RWDD4: variants seen among roughly 807,000 people sequenced by gnomAD.
RWDD4 encodes the protein RWD domain containing 4.
Under a neutral mutation model 30.0 loss-of-function variants are expected in RWDD4, and 16 were observed. The observed-to-expected ratio is 0.53, with a 90% CI of 0.36 to 0.81. The LOEUF (loss-of-function observed/expected upper bound fraction) is 0.81. RWDD4 is among the 30% of genes least tolerant of loss of function. The probability of loss-of-function intolerance (pLI) is 0.00; values close to 1 mark genes in which losing one functional copy is unlikely to be tolerated. For missense variants in RWDD4, 170 were observed against 223.9 expected (o/e 0.76, Z 1.54); for synonymous variants, 45 against 72.1 (o/e 0.62, Z 1.90).
intron 2 of RWDD4, among the ~76,000 whole-genome samples, chr4:183,652,647 T>C (rs1248369940): frequency 6.6e-6 from 1 of 151,890 alleles, no homozygotes; most frequent in Non-Finnish European, 1.5e-5. Flanking sequence ...CCATCTCTGC[T>C]AAAAATACAA....
Position 183,644,831 on chromosome 4 carries a change from T to A in RWDD4, c.534+1520A>T, listed in dbSNP as rs115193907. 7.4e-3 allele frequency among the ~76,000 whole-genome samples: 1,126 copies of A among 151,376 alleles called. 15 individuals carry two copies. Among genetic ancestry groups the A allele is most frequent in the African/African-American group, 0.026 (1,059 of 41,294 alleles). Reference sequence around the variant, plus strand: ...AAAGAAAATAGCCCTGAGCAGTGGCTCATGCCTGTAATCCCAGTACTTTGG... The same window carrying A: ...AAAGAAAATAGCCCTGAGCAGTGGCACATGCCTGTAATCCCAGTACTTTGG... On this transcript the variant is annotated intron_variant, in intron 7 of 7. Coordinates refer to ENST00000326397, the MANE Select transcript of RWDD4 (RefSeq NM_152682.4).
At chr4:183,645,447 C>G (rs1454052651) in intron 7 of RWDD4, among the ~76,000 whole-genome samples, 1 of 151,986 alleles carries the variant, frequency 6.6e-6, no homozygotes, top group Non-Finnish European at 1.5e-5. Context: ...GATGAACAAC[C>G]ACGTTTAAGG....
intron 1 of RWDD4, 119 bp from the exon 2 acceptor site, chr4:183,656,080 C>T: frequency 3.1e-6 from 2 of 649,352 alleles, no homozygotes; most frequent in Non-Finnish European, 5.5e-6. Context: ...CTTATATAAC[C>T]TTAGATACTT....
At chr4:183,643,805 C>T (rs1220273726) in intron 7 of RWDD4, among the ~76,000 whole-genome samples, 5 of 152,152 alleles carry the variant, frequency 3.3e-5, no homozygotes, top group Non-Finnish European at 4.4e-5. Flanking sequence ...GTAATTCCAA[C>T]TACTTGGGAG....
chr4:183,650,197 A>G (rs960917593), intron 4 of RWDD4, among the ~76,000 whole-genome samples: 1 of 152,208 alleles, frequency 6.6e-6, no homozygotes, highest in Non-Finnish European at 1.5e-5. Context: ...CAGAAAGATT[A>G]AGAAACCTGC....
In RWDD4 at chr4:183,649,645, TG is replaced by T; in HGVS notation, c.364-78del. 5.6e-6 allele frequency: 4 copies of T among 713,320 alleles called. No homozygotes were observed. The South Asian group carries it at 7.4e-5, about 13-fold the overall frequency. 44.2% of individuals were successfully genotyped at this position (713,320 alleles called of 1,614,324 possible). A position where few individuals can be genotyped will look rare whatever the true frequency, so the allele number is the denominator to read the frequency against. ...CACTAAATACAGCTATATCCTGAAG[TG>T]GGTTGATAATTTTTACACTTATGAA... is the stretch of plus-strand genomic sequence containing the variant. On this transcript the variant is annotated intron_variant, in intron 4 of 7. Transcript: ENST00000326397.
intron 7 of RWDD4, among the ~76,000 whole-genome samples, chr4:183,641,810 A>G (rs1026998264): frequency 6.6e-6 from 1 of 152,214 alleles, no homozygotes. Flanking sequence ...CTTGTTTTCC[A>G]TCACATATTC....
At chr4:183,643,093 A>C (rs1733894216) in intron 7 of RWDD4, among the ~76,000 whole-genome samples, 1 of 138,356 alleles carries the variant, frequency 7.2e-6, no homozygotes, top group Non-Finnish European at 1.5e-5. Context: ...TAAATAAATA[A>C]ATAAATAAAT....
chr4:183,645,532 G>C (rs1286762303), intron 7 of RWDD4, among the ~76,000 whole-genome samples: 1 of 151,504 alleles, frequency 6.6e-6, no homozygotes, highest in Non-Finnish European at 1.5e-5. Flanking sequence ...CACGTTGTGA[G>C]GCCGAGGTAG....
chr4:183,645,055 A>T (rs1365918808), intron 7 of RWDD4, among the ~76,000 whole-genome samples: 2 of 152,152 alleles, frequency 1.3e-5, no homozygotes, highest in African/African-American at 4.8e-5. Context: ...AGCCATGTTC[A>T]CGCCACTGCA....
At chr4:183,656,813 G>A (rs1734203842) in intron 1 of RWDD4, among the ~76,000 whole-genome samples, 1 of 152,168 alleles carries the variant, frequency 6.6e-6, no homozygotes, top group African/African-American at 2.4e-5. Context: ...ATCACCTGAG[G>A]TCAGGAGTTC....
intron 2 of RWDD4, among the ~76,000 whole-genome samples, chr4:183,654,587 A>C (rs1489054799): frequency 1.3e-5 from 2 of 151,876 alleles, no homozygotes; most frequent in East Asian, 3.8e-4. Flanking sequence ...CATTCTGCAC[A>C]ACATGCTCTA....
In RWDD4 at chr4:183,650,977, TACTC is replaced by T; in HGVS notation, c.363+3_363+6del. 6.2e-7 allele frequency: 1 copy of T among 1,606,686 alleles called. No individual in the cohort carries two copies. Among genetic ancestry groups the T allele is most frequent in the Non-Finnish European group, 8.5e-7 (1 of 1,176,760 alleles). On this transcript the variant is annotated splice_donor_5th_base_variant and intron_variant, in intron 4 of 7. Coordinates refer to ENST00000326397, the MANE Select transcript of RWDD4 (RefSeq NM_152682.4). The stretch of plus-strand genomic sequence containing the variant: ...AGAATCCGGCAAAAAAATAATCACA[TACTC>T]ACTGCGGAATTGATGGGATTGTGAT...
intron 7 of RWDD4, 131 bp downstream of exon 7, chr4:183,646,220 A>G: frequency 1.5e-6 from 1 of 649,812 alleles, no homozygotes; most frequent in South Asian, 1.9e-5. Flanking sequence ...CATTCTTAAG[A>G]TGTGCTTACA....
chr4:183,651,191 A>G (rs1471338331), intron 3 of RWDD4, 27 bp downstream of exon 3: 2 of 1,613,492 alleles, frequency 1.2e-6, no homozygotes, highest in Non-Finnish European at 1.7e-6. Context: ...GTGAAATGAA[A>G]AGCAGTAAAA....
chr4:183,652,543 G>A (rs1734101727), intron 2 of RWDD4, among the ~76,000 whole-genome samples: 1 of 151,974 alleles, frequency 6.6e-6, no homozygotes, highest in Non-Finnish European at 1.5e-5. Context: ...TGGACACAGT[G>A]GCTCATGTCT....
chr4:183,649,395 C>G (rs915176045), intron 5 of RWDD4, 56 bp downstream of exon 5: 32 of 1,175,528 alleles, frequency 2.7e-5, no homozygotes, highest in Non-Finnish European at 3.5e-5. Context: ...GCCTGGGCAA[C>G]AAGAGTGAGA....
At chr4:183,657,102 C>T (rs1156383304) in intron 1 of RWDD4, among the ~76,000 whole-genome samples, 2 of 152,154 alleles carry the variant, frequency 1.3e-5, no homozygotes, top group Admixed American at 1.3e-4. Context: ...AAGGAGTAGA[C>T]CCTAAGACCT....
At chr4:183,650,957 C>A (rs1371804566) in intron 4 of RWDD4, 27 bp downstream of exon 4, 1 of 1,587,584 alleles carries the variant, frequency 6.3e-7, no homozygotes, top group South Asian at 1.1e-5. Context: ...ACAAAAGAAT[C>A]CGGCAAAAAA....
Sources: allele counts gnomAD v4.1 joint callset (sites outside exome capture counted in the v4.1 genomes callset), GRCh38; gene constraint gnomAD v4.1.1; transcripts MANE v1.5; gene names NCBI Gene and HGNC (gene_info 2026-07-23, HGNC 2026-07-21).